Variants in TSPAN9 observed in about 807,000 individuals in gnomAD.
TSPAN9 encodes tetraspanin-9.
TSPAN9 carries 16 observed loss-of-function variants against 31.0 expected under a neutral mutation model. The ratio of observed to expected loss-of-function variants is 0.52; its 90% confidence interval spans 0.35 to 0.78. TSPAN9 has a LOEUF of 0.78. TSPAN9 is among the 30% of genes least tolerant of loss of function. The probability of loss-of-function intolerance (pLI) is 0.01; values close to 1 mark genes in which losing one functional copy is unlikely to be tolerated. For synonymous variants in TSPAN9, 145 were observed against 121.6 expected (o/e 1.19, Z -1.27); for missense variants, 272 against 312.5 (o/e 0.87, Z 0.98).
intron 2 of TSPAN9, among the ~76,000 whole-genome samples, chr12:3,142,638 G>GC (rs2098335394): frequency 6.6e-6 from 1 of 152,080 alleles, no homozygotes. Context: ...GCTCGCCCCT[G>GC]CCCCCTGCGC....
At chr12:3,175,562 C>G (rs886643430) in intron 2 of TSPAN9, among the ~76,000 whole-genome samples, 4 of 152,232 alleles carry the variant, frequency 2.6e-5, no homozygotes, top group Non-Finnish European at 5.9e-5. Flanking sequence ...CAGCCTCTCT[C>G]GCTGTGCTCA....
chr12:3,231,336 T>C (rs1161956668), intron 3 of TSPAN9, among the ~76,000 whole-genome samples: 1 of 152,172 alleles, frequency 6.6e-6, no homozygotes, highest in African/African-American at 2.4e-5. Flanking sequence ...AGCCCTAGGA[T>C]ACCTCTAGGC....
chr12:3,279,218 A>G, intron 5 of TSPAN9, 152 bp downstream of exon 5: 2 of 751,948 alleles, frequency 2.7e-6, no homozygotes, highest in Non-Finnish European at 4.4e-6. Flanking sequence ...TGGGAAAGCT[A>G]CCAAGGAAAG....
chr12:3,278,200 G>A (rs757895040), intron 3 of TSPAN9, among the ~76,000 whole-genome samples: 10 of 152,194 alleles, frequency 6.6e-5, no homozygotes, highest in African/African-American at 4.8e-5. Context: ...CACAGTCTCC[G>A]TTGTCACATG....
chr12:3,274,696 T>A (rs1862750943), intron 3 of TSPAN9, among the ~76,000 whole-genome samples: 1 of 152,222 alleles, frequency 6.6e-6, no homozygotes, highest in South Asian at 2.1e-4. Context: ...CCTTTGTGTT[T>A]TCTTCTTGCC....
intron 3 of TSPAN9, among the ~76,000 whole-genome samples, chr12:3,213,702 A>G (rs540937747): frequency 1.3e-5 from 2 of 152,128 alleles, no homozygotes; most frequent in Non-Finnish European, 2.9e-5. Flanking sequence ...TGAAAAGTGC[A>G]TATTTCACAA....
intron 3 of TSPAN9, among the ~76,000 whole-genome samples, chr12:3,213,927 A>G (rs374310250): frequency 5.8e-4 from 89 of 152,314 alleles, no homozygotes; most frequent in African/African-American, 2.1e-3. Flanking sequence ...CCCCACTCCT[A>G]CAAATGCAGG....
At chr12:3,117,000 A>G (rs1445394920) in intron 2 of TSPAN9, among the ~76,000 whole-genome samples, 1 of 152,252 alleles carries the variant, frequency 6.6e-6, no homozygotes, top group Non-Finnish European at 1.5e-5. Flanking sequence ...ACTGAGTGTC[A>G]GAAGAGTTAT....
chr12:3,276,618 C>T (rs1041740990), intron 3 of TSPAN9, among the ~76,000 whole-genome samples: 1 of 152,236 alleles, frequency 6.6e-6, no homozygotes, highest in Non-Finnish European at 1.5e-5. Flanking sequence ...GCTGCCCACA[C>T]CCTCCCCAGT....
In TSPAN9 at chr12:3,279,482, G is replaced by A. The variant is rs543411209; in HGVS notation, c.330+416G>A. Among the ~76,000 whole-genome samples the A allele has an allele frequency of 4.6e-5, 7 of 152,358 alleles. No individual in the cohort carries two copies. The South Asian group carries it at 8.3e-4, about 18-fold the overall frequency. On this transcript the variant is annotated intron_variant, in intron 5 of 8. Coordinates refer to ENST00000011898, the MANE Select transcript of TSPAN9 (RefSeq NM_006675.5). ...AAAAACAAGGAGGAACTCTCTGGGC[G>A]ACGCTGGCTGAGCAGGACTGAGGCA... is the stretch of plus-strand genomic sequence containing the variant.
chr12:3,237,793 C>T (rs560380950), intron 3 of TSPAN9, among the ~76,000 whole-genome samples: 5 of 152,322 alleles, frequency 3.3e-5, no homozygotes, highest in Admixed American at 3.3e-4. Context: ...GCATTAGCTC[C>T]CTCCAGCTGT....
At position 3,223,535 on chromosome 12, in the gene TSPAN9, C is replaced by T. The variant is rs192886682; in HGVS notation, c.63+22279C>T. Among the ~76,000 whole-genome samples the T allele has an allele frequency of 3.2e-4, 48 of 152,250 alleles. 1 individual carries two copies. The highest frequency in any genetic ancestry group is 2.2e-3 in the Admixed American group (34 of 15,304). On this transcript the variant is annotated intron_variant, in intron 3 of 8. Transcript: ENST00000011898. ...GGGCATGGAGTAACAGCCCCAAGAC[C>T]GTCCTGCAGTACTGCACGTGTGCGT... is the stretch of plus-strand genomic sequence containing the variant.
intron 7 of TSPAN9, 147 bp downstream of exon 7, chr12:3,281,476 C>A: frequency 7.6e-7 from 1 of 1,322,106 alleles, no homozygotes; most frequent in Non-Finnish European, 1.0e-6. Context: ...AGCCAAAAGA[C>A]AGGTGGAAAA....
rs1229988703 is a variant in TSPAN9, at chr12:3,285,719, T to C, written c.*2603T>C. The C allele has an allele frequency of 2.0e-5, 3 of 152,364 alleles. No homozygotes were observed. The highest frequency in any genetic ancestry group is 7.2e-5 in the African/African-American group (3 of 41,582). The allele number at this position is 152,364 out of a possible 1,614,324, so 9.4% of individuals were successfully genotyped here. A position where few individuals can be genotyped will look rare whatever the true frequency, so the allele number is the denominator to read the frequency against. Reference sequence around the variant, plus strand: ...GAGAATTCCCTCACTCACGGCTCCCTTTGCCAGAGTCAGTTCAATCAGGTC... The same window carrying C: ...GAGAATTCCCTCACTCACGGCTCCCCTTGCCAGAGTCAGTTCAATCAGGTC... On this transcript the variant is annotated 3_prime_UTR_variant, in exon 9 of 9. Coordinates refer to ENST00000011898, the MANE Select transcript of TSPAN9 (RefSeq NM_006675.5).
intron 2 of TSPAN9, among the ~76,000 whole-genome samples, chr12:3,141,369 C>T (rs975121467): frequency 6.6e-6 from 1 of 152,150 alleles, no homozygotes; most frequent in Non-Finnish European, 1.5e-5. Context: ...CTGTTCGCCT[C>T]GGTCTCCCAG....
chr12:3,214,495 C>T (rs996267146), intron 3 of TSPAN9, among the ~76,000 whole-genome samples: 20 of 152,254 alleles, frequency 1.3e-4, no homozygotes, highest in African/African-American at 4.1e-4. Flanking sequence ...CCAGGGTGGA[C>T]GAACTCCTGT....
intron 3 of TSPAN9, among the ~76,000 whole-genome samples, chr12:3,271,451 T>A (rs1166576773): frequency 6.6e-6 from 1 of 152,084 alleles, no homozygotes; most frequent in East Asian, 1.9e-4. Flanking sequence ...TTAGTGGGCT[T>A]CTTGGGCAAA....
At chr12:3,087,737 C>T (rs561901285) in intron 2 of TSPAN9, among the ~76,000 whole-genome samples, 3 of 151,742 alleles carry the variant, frequency 2.0e-5, no homozygotes, top group African/African-American at 7.3e-5. Flanking sequence ...ATCTGGGAGG[C>T]GGAGGTTGCA....
At chr12:3,100,157 T>C (rs2098311198) in intron 2 of TSPAN9, among the ~76,000 whole-genome samples, 1 of 152,158 alleles carries the variant, frequency 6.6e-6, no homozygotes, top group African/African-American at 2.4e-5. Flanking sequence ...GTCTGTCCAC[T>C]CTTGCTGGTG....
Sources: gnomAD v4.1 joint callset for allele counts (sites outside exome capture counted in the v4.1 genomes callset) on GRCh38, gnomAD v4.1.1 for gene constraint, MANE v1.5 for transcripts, NCBI Gene and HGNC (gene_info 2026-07-23, HGNC 2026-07-21) for gene names.